The following CLIC5 variants were observed in gnomAD, a reference collection of about 807,000 sequenced individuals.
CLIC5 encodes the protein CLIC family member 5.
CLIC5 carries 20 observed loss-of-function variants against 24.7 expected under a neutral mutation model. The observed-to-expected ratio is 0.81, with a 90% CI of 0.57 to 1.18. The LOEUF is 1.18. Ranked by LOEUF, CLIC5 falls within the 50% of genes most tolerant of loss-of-function variation. CLIC5 has a pLI of 0.00. For synonymous variants in CLIC5, 159 were observed against 135.6 expected (o/e 1.17, Z -1.20); for missense variants, 341 against 326.1 (o/e 1.05, Z -0.35).
chr6:46,122,003 C>T, the CLIC5 span, among the ~76,000 whole-genome samples: 3 of 152,172 alleles, frequency 2.0e-5, no homozygotes, highest in African/African-American at 7.2e-5. Context: ...ACCCCACTGT[C>T]AACATTAGAC....
intron 4 of CLIC5, among the ~76,000 whole-genome samples, chr6:45,928,912 CAT>C (rs1454656648): frequency 9.2e-5 from 14 of 152,152 alleles, no homozygotes; most frequent in African/African-American, 3.1e-4. Context: ...ACATTTAACT[CAT>C]GTGCAAATCA....
intron 1 of CLIC5, among the ~76,000 whole-genome samples, chr6:46,044,324 C>T (rs960884634): frequency 6.6e-6 from 1 of 152,098 alleles, no homozygotes; most frequent in Admixed American, 6.6e-5. Context: ...TTGACAGGCT[C>T]TTTTCCGAGA....
chr6:45,993,681 C>T (rs550173928), intron 1 of CLIC5, among the ~76,000 whole-genome samples: 1 of 152,302 alleles, frequency 6.6e-6, no homozygotes, highest in Admixed American at 6.5e-5. Context: ...AACAGAGGTA[C>T]TGACCACTTT....
At chr6:46,018,736 A>G (rs916459057), upstream of CLIC5, 1 of 152,214 alleles carries the variant, frequency 6.6e-6, no homozygotes, top group African/African-American at 2.4e-5. Flanking sequence ...TACTTTAAAA[A>G]CACATTTAGT....
chr6:45,957,795 C>T (rs541838292), intron 1 of CLIC5, among the ~76,000 whole-genome samples: 132 of 152,284 alleles, frequency 8.7e-4, no homozygotes, highest in Non-Finnish European at 1.4e-3. Flanking sequence ...AACAGCCTTG[C>T]GGCCCTAAGA....
chr6:46,044,213 G>A (rs1767893128), intron 1 of CLIC5, among the ~76,000 whole-genome samples: 1 of 152,098 alleles, frequency 6.6e-6, no homozygotes, highest in South Asian at 2.1e-4. Context: ...TTTTACAAAG[G>A]GTTCCTTGCT....
chr6:45,888,203 T>G (rs1304637167), intron 6 of CLIC5, among the ~76,000 whole-genome samples: 1 of 152,148 alleles, frequency 6.6e-6, no homozygotes, highest in Non-Finnish European at 1.5e-5. Flanking sequence ...GTATTTAAAT[T>G]TCACACATGA....
At chr6:46,060,423 G>C (rs1057155471) in intron 1 of CLIC5, among the ~76,000 whole-genome samples, 2 of 152,130 alleles carry the variant, frequency 1.3e-5, no homozygotes, top group Non-Finnish European at 2.9e-5. Flanking sequence ...TGAAAAAAGA[G>C]GGTGGGGTGG....
chr6:45,890,578 A>T (rs888944784), intron 6 of CLIC5, among the ~76,000 whole-genome samples: 3 of 152,198 alleles, frequency 2.0e-5, no homozygotes, highest in African/African-American at 7.2e-5. Context: ...ACCCAAAGGA[A>T]TTGTAATCAG....
At position 46,015,582 on chromosome 6, in the gene CLIC5, C is replaced by A. The variant is rs368851763; in HGVS notation, c.-40G>T. 6.5e-7 allele frequency: 1 copy of A among 1,538,390 alleles called. No individual in the cohort carries two copies. The highest frequency in any genetic ancestry group is 8.8e-7 in the Non-Finnish European group (1 of 1,142,326). Reference sequence around the variant, plus strand: ...GGGCTACCGTCCCGGGCCGGGGAGGCGCCACCTCTGCAGCACCTGGGCCAG... The same window carrying A: ...GGGCTACCGTCCCGGGCCGGGGAGGAGCCACCTCTGCAGCACCTGGGCCAG... On this transcript the variant is annotated 5_prime_UTR_variant, in exon 1 of 6. Transcript: ENST00000339561.
chr6:46,013,211 C>T (rs953725311), intron 1 of CLIC5, among the ~76,000 whole-genome samples: 8 of 152,190 alleles, frequency 5.3e-5, no homozygotes, highest in African/African-American at 1.9e-4. Context: ...GAAACCAACC[C>T]ACCCTGCCCT....
chr6:45,894,846 G>GC (rs1432498444), downstream of CLIC5, among the ~76,000 whole-genome samples: 8 of 152,184 alleles, frequency 5.3e-5, no homozygotes, highest in African/African-American at 1.9e-4. Flanking sequence ...GACAATTATT[G>GC]TCGAGCAAGC....
intron 1 of CLIC5, among the ~76,000 whole-genome samples, chr6:45,965,908 A>T (rs1441653516): frequency 6.6e-6 from 1 of 152,132 alleles, no homozygotes; most frequent in East Asian, 1.9e-4. Flanking sequence ...CCTCATACCA[A>T]ACAAGGATAT....
intron 1 of CLIC5, among the ~76,000 whole-genome samples, chr6:46,065,298 A>G (rs1762411047): frequency 6.6e-6 from 1 of 152,030 alleles, no homozygotes; most frequent in Admixed American, 6.6e-5. Flanking sequence ...GGCAGTAGCT[A>G]GAAATCTCAT....
At chr6:46,064,707 G>A (rs1762394428) in intron 1 of CLIC5, among the ~76,000 whole-genome samples, 1 of 151,980 alleles carries the variant, frequency 6.6e-6, no homozygotes, top group Non-Finnish European at 1.5e-5. Flanking sequence ...ATTAATCGAT[G>A]TATTTGACAT....
intron 1 of CLIC5, among the ~76,000 whole-genome samples, chr6:45,980,698 C>T (rs138337817): frequency 1.3e-5 from 2 of 150,688 alleles, no homozygotes; most frequent in Admixed American, 6.6e-5. Context: ...TTGTATAATT[C>T]CAATAATTAA....
At chr6:45,970,919 G>A (rs1292255850) in intron 1 of CLIC5, among the ~76,000 whole-genome samples, 1 of 152,222 alleles carries the variant, frequency 6.6e-6, no homozygotes, top group African/African-American at 2.4e-5. Flanking sequence ...GCACAAAGGA[G>A]TCAGAGGTGA....
At chr6:45,978,513 G>A (rs1179188116) in intron 1 of CLIC5, among the ~76,000 whole-genome samples, 1 of 152,226 alleles carries the variant, frequency 6.6e-6, no homozygotes, top group Non-Finnish European at 1.5e-5. Flanking sequence ...ATGTTAGCAT[G>A]CATCAGAACC....
chr6:45,942,766 C>G lies in CLIC5; in HGVS notation c.300-1113G>C, dbSNP rs77557865. ...TGAGCTAGGATTCCTTTTGGGGCCCCTTTTGGGGCCATGTTAGGTGGCTGT... is the reference window on the plus strand; with the variant it reads ...TGAGCTAGGATTCCTTTTGGGGCCCGTTTTGGGGCCATGTTAGGTGGCTGT... On this transcript the variant is annotated intron_variant, in intron 3 of 5. Transcript: ENST00000339561. 5.9e-3 allele frequency among the ~76,000 whole-genome samples: 899 copies of G among 152,304 alleles called. 6 individuals carry two copies. The highest frequency in any genetic ancestry group is 0.021 in the African/African-American group (857 of 41,552).
Sources: gnomAD v4.1 joint callset for allele counts (sites outside exome capture counted in the v4.1 genomes callset) on GRCh38, gnomAD v4.1.1 for gene constraint, MANE v1.5 for transcripts, NCBI Gene and HGNC (gene_info 2026-07-23, HGNC 2026-07-21) for gene names.